Variants in SNX24 observed in about 807,000 individuals in gnomAD.
The protein encoded by SNX24 is sorting nexin 24.
A neutral mutation model predicts 28.7 loss-of-function variants in SNX24; 22 were observed. The observed-to-expected ratio is 0.77, with a 90% CI of 0.55 to 1.10. The LOEUF is 1.10. Ranked by LOEUF, SNX24 falls within the 50% of genes least tolerant of loss-of-function variation. The pLI is 0.00. For missense variants in SNX24, 221 were observed against 201.1 expected (o/e 1.10, Z -0.60); for synonymous variants, 69 against 71.5 (o/e 0.96, Z 0.18).
At chr5:122,973,055 A>G (rs905525940) in intron 3 of SNX24, among the ~76,000 whole-genome samples, 1 of 152,216 alleles carries the variant, frequency 6.6e-6, no homozygotes, top group Non-Finnish European at 1.5e-5. Flanking sequence ...AGAACGAGTC[A>G]TCCTATCCAC....
At chr5:122,929,098 G>T (rs569728242) in intron 1 of SNX24, among the ~76,000 whole-genome samples, 1 of 152,020 alleles carries the variant, frequency 6.6e-6, no homozygotes, top group African/African-American at 2.4e-5. Context: ...TCTGAACCTG[G>T]CACTTGGTAG....
chr5:122,950,784 G>A (rs980624352), intron 3 of SNX24, among the ~76,000 whole-genome samples: 8 of 152,130 alleles, frequency 5.3e-5, no homozygotes, highest in Non-Finnish European at 1.0e-4. Context: ...AATAACCAGG[G>A]TATTCTTGGT....
chr5:122,914,975 G>A (rs1353379143), intron 1 of SNX24, among the ~76,000 whole-genome samples: 1 of 152,174 alleles, frequency 6.6e-6, no homozygotes, highest in Non-Finnish European at 1.5e-5. Flanking sequence ...TGAGGTGGAG[G>A]TGGGAGGAAG....
intron 3 of SNX24, among the ~76,000 whole-genome samples, chr5:122,956,591 A>G (rs1013439332): frequency 3.9e-5 from 6 of 152,062 alleles, no homozygotes; most frequent in East Asian, 1.9e-4. Context: ...TCCATTCTTA[A>G]TTTTTTGAGG....
chr5:122,930,956 A>T (rs1323019197), intron 1 of SNX24, among the ~76,000 whole-genome samples: 1 of 152,210 alleles, frequency 6.6e-6, no homozygotes, highest in Non-Finnish European at 1.5e-5. Context: ...TAAAAAGTTG[A>T]TGAGGAAAAA....
At chr5:122,969,447 A>C (rs1457238700) in intron 3 of SNX24, among the ~76,000 whole-genome samples, 2 of 152,210 alleles carry the variant, frequency 1.3e-5, no homozygotes, top group Non-Finnish European at 2.9e-5. Context: ...GTTTTCAAAA[A>C]AAAAACTTTA....
At chr5:122,973,664 C>CT (rs1761048466) in intron 3 of SNX24, among the ~76,000 whole-genome samples, 1 of 152,222 alleles carries the variant, frequency 6.6e-6, no homozygotes, top group Admixed American at 6.5e-5. Flanking sequence ...AGCTGCTGTG[C>CT]ATGACCCACT....
At chr5:123,027,321 C>G (rs988449374) in intron 5 of SNX24, among the ~76,000 whole-genome samples, 1 of 151,954 alleles carries the variant, frequency 6.6e-6, no homozygotes, top group Non-Finnish European at 1.5e-5. Flanking sequence ...TTTAAATTGC[C>G]CAAAACATTG....
downstream of SNX24, chr5:123,009,343 A>C (rs565018448): frequency 2.6e-6 from 1 of 389,036 alleles, no homozygotes; most frequent in Admixed American, 6.4e-5. Context: ...TGATAAGATA[A>C]ATTATTATAA....
At chr5:123,027,192 T>C (rs1001295742) in intron 5 of SNX24, among the ~76,000 whole-genome samples, 18 of 151,510 alleles carry the variant, frequency 1.2e-4, no homozygotes, top group African/African-American at 3.4e-4. Flanking sequence ...AGACTGTGTC[T>C]CAAAAGAAAA....
chr5:122,856,161 C>CTGGTGTCTGT (rs951221278), intron 1 of SNX24, among the ~76,000 whole-genome samples: 1 of 152,142 alleles, frequency 6.6e-6, no homozygotes, highest in Non-Finnish European at 1.5e-5. Flanking sequence ...TTGTTCCCCT[C>CTGGTGTCTGT]TGTATCCATG....
At chr5:122,920,001 G>A (rs1045895141) in intron 1 of SNX24, among the ~76,000 whole-genome samples, 2 of 152,210 alleles carry the variant, frequency 1.3e-5, no homozygotes, top group Non-Finnish European at 2.9e-5. Context: ...GCAGGTGTTT[G>A]TTTACAACGT....
At chr5:122,918,248 G>T (rs1316597055) in intron 1 of SNX24, among the ~76,000 whole-genome samples, 1 of 152,136 alleles carries the variant, frequency 6.6e-6, no homozygotes, top group Non-Finnish European at 1.5e-5. Flanking sequence ...GGAGGTGGTG[G>T]TGGTGGGGTG....
intron 1 of SNX24, among the ~76,000 whole-genome samples, chr5:122,927,451 T>A (rs568552463): frequency 6.6e-6 from 1 of 152,264 alleles, no homozygotes; most frequent in Non-Finnish European, 1.5e-5. Context: ...TTAAACCATC[T>A]GAAAAGGGGA....
At position 123,027,011 on chromosome 5, in the gene SNX24, G is replaced by A. The variant is rs553453414; in HGVS notation, n.384-2227G>A. On this transcript the variant is annotated intron_variant and non_coding_transcript_variant, in intron 5 of 5. Coordinates refer to the SNX24 transcript ENST00000502387. ...AGATTGAGACCATCCTGGCTAACAC[G>A]GTGAAACCCTATCTCTACTAAAAAT... Among the ~76,000 whole-genome samples the A allele has an allele frequency of 1.9e-4, 29 of 152,182 alleles. 1 individual carries two copies. The South Asian group carries it at 5.8e-3, about 30-fold the overall frequency.
intron 1 of SNX24, among the ~76,000 whole-genome samples, chr5:122,860,602 ATTG>A (rs960497695): frequency 1.3e-5 from 2 of 152,004 alleles, no homozygotes; most frequent in African/African-American, 2.4e-5. Flanking sequence ...TAATTTTTTT[ATTG>A]TTGTTGTTGA....
At chr5:122,984,364 A>C (rs556177632) in intron 3 of SNX24, among the ~76,000 whole-genome samples, 1 of 152,330 alleles carries the variant, frequency 6.6e-6, no homozygotes, top group East Asian at 1.9e-4. Context: ...TTCTTTACAT[A>C]AATGACACAG....
At chr5:122,876,869 C>T (rs901680487) in intron 1 of SNX24, among the ~76,000 whole-genome samples, 3 of 152,102 alleles carry the variant, frequency 2.0e-5, no homozygotes, top group African/African-American at 4.8e-5. Flanking sequence ...TGTCAAGGAA[C>T]GCACCCTCAG....
At chr5:122,946,463 C>T (rs780766737) in intron 3 of SNX24, among the ~76,000 whole-genome samples, 3 of 151,990 alleles carry the variant, frequency 2.0e-5, no homozygotes, top group Admixed American at 6.6e-5. Context: ...TTTGCTTTTC[C>T]TTCAAGATTT....
Sources: gnomAD v4.1 joint callset for allele counts (sites outside exome capture counted in the v4.1 genomes callset) on GRCh38, gnomAD v4.1.1 for gene constraint, MANE v1.5 for transcripts, NCBI Gene and HGNC (gene_info 2026-07-23, HGNC 2026-07-21) for gene names.